Variants in CADPS observed in about 807,000 individuals in gnomAD.
CADPS encodes the protein calcium-dependent secretion activator 1.
In CADPS, 57 loss-of-function variants were observed where a neutral mutation model predicts 167.3. The ratio of observed to expected loss-of-function variants is 0.34; its 90% CI spans 0.28 to 0.42. The LOEUF is 0.42. CADPS is among the 20% of genes least tolerant of loss of function. The pLI, the probability that CADPS is intolerant of heterozygous loss-of-function variation, is 1.00. For missense variants in CADPS, 1,414 were observed against 1,738.1 expected (o/e 0.81, Z 3.32); for synonymous variants, 676 against 635.3 (o/e 1.06, Z -0.96).
At chr3:62,865,525 A>G (rs2081530014) in intron 1 of CADPS, among the ~76,000 whole-genome samples, 3 of 152,102 alleles carry the variant, frequency 2.0e-5, no homozygotes, top group Admixed American at 6.5e-5. Context: ...TATATTATCA[A>G]TTTATTTCAT....
At chr3:62,485,530 A>T (rs756122455) in intron 21 of CADPS, among the ~76,000 whole-genome samples, 6 of 152,132 alleles carry the variant, frequency 3.9e-5, no homozygotes, top group Non-Finnish European at 8.8e-5. Flanking sequence ...TGGCAAATAG[A>T]GTCGTTTTTC....
At chr3:62,810,226 A>T (rs372223744) in intron 1 of CADPS, among the ~76,000 whole-genome samples, 91 of 152,268 alleles carry the variant, frequency 6.0e-4, no homozygotes, top group African/African-American at 2.1e-3. Flanking sequence ...TGAACTAAAA[A>T]CTATTTTCTG....
At chr3:62,856,136 G>A (rs1366648360) in intron 1 of CADPS, among the ~76,000 whole-genome samples, 1 of 152,122 alleles carries the variant, frequency 6.6e-6, no homozygotes, top group Non-Finnish European at 1.5e-5. Context: ...AGCTGATAGG[G>A]ACAGAAGTGC....
At chr3:62,513,023 C>T (rs1304073433) in intron 16 of CADPS, among the ~76,000 whole-genome samples, 3 of 152,054 alleles carry the variant, frequency 2.0e-5, no homozygotes, top group Non-Finnish European at 4.4e-5. Context: ...AGCTATGAAA[C>T]ATACATGAAC....
chr3:62,779,636 A>G, intron 1 of CADPS: 1 of 532,312 alleles, frequency 1.9e-6, no homozygotes, highest in South Asian at 1.4e-5. Flanking sequence ...TGCATTTTAA[A>G]GGCATAGGCT....
chr3:62,628,221 A>G (rs950810508), intron 6 of CADPS, among the ~76,000 whole-genome samples: 2 of 152,204 alleles, frequency 1.3e-5, no homozygotes, highest in African/African-American at 4.8e-5. Flanking sequence ...AACAGTGAAC[A>G]CTTCCTTAGC....
chr3:62,723,997 T>C (rs34301583), intron 3 of CADPS, among the ~76,000 whole-genome samples: 2 of 152,148 alleles, frequency 1.3e-5, no homozygotes, highest in Admixed American at 1.3e-4. Flanking sequence ...GGCACTTCTG[T>C]GTCCAAGGGA....
intron 3 of CADPS, among the ~76,000 whole-genome samples, chr3:62,664,601 G>A (rs1395074522): frequency 1.3e-5 from 2 of 152,350 alleles, no homozygotes; most frequent in South Asian, 4.1e-4. Flanking sequence ...ACTCAGAAAT[G>A]TCTTGTTCAA....
Position 62,514,721 on chromosome 3 carries a change from G to A in CADPS, c.2581+1338C>T, listed in dbSNP as rs1184687039. ...CAAGACCTATGAGGCAGCAGCCATG[G>A]CAACAGAACGTTTCTTGATCCCATC... On this transcript the variant is annotated intron_variant, in intron 16 of 29. Coordinates refer to ENST00000383710, the MANE Select transcript of CADPS (RefSeq NM_003716.4). The surrounding 1 kb of genome is among the most constrained non-coding windows in gnomAD (Gnocchi z 4.2). Among the ~76,000 whole-genome samples, 1 of 152,128 alleles carries A rather than the reference G, an allele frequency of 6.6e-6. No homozygotes were observed. The highest frequency in any genetic ancestry group is 1.5e-5 in the Non-Finnish European group (1 of 67,996).
At chr3:62,766,883 G>A (rs1024471801) in intron 1 of CADPS, among the ~76,000 whole-genome samples, 1 of 152,114 alleles carries the variant, frequency 6.6e-6, no homozygotes, top group Non-Finnish European at 1.5e-5. Flanking sequence ...TTGTTTAACT[G>A]CTTGATGATG....
At chr3:62,675,268 G>T (rs548510207) in intron 3 of CADPS, among the ~76,000 whole-genome samples, 2 of 147,858 alleles carry the variant, frequency 1.4e-5, no homozygotes, top group African/African-American at 5.0e-5. Context: ...GTTAGAAAAT[G>T]AAAAAAAAAA....
intron 18 of CADPS, among the ~76,000 whole-genome samples, chr3:62,494,792 C>T (rs566658851): frequency 8.1e-4 from 122 of 150,486 alleles, no homozygotes; most frequent in African/African-American, 2.9e-3. Flanking sequence ...CAGGCGCCTG[C>T]CACCATACCT....
chr3:62,742,527 A>C (rs974638519), intron 3 of CADPS, among the ~76,000 whole-genome samples: 2 of 152,258 alleles, frequency 1.3e-5, no homozygotes, highest in Non-Finnish European at 2.9e-5. Context: ...GCAATGGCAA[A>C]GGATTCCCTA....
At chr3:62,701,508 C>T (rs529670576) in intron 3 of CADPS, among the ~76,000 whole-genome samples, 2 of 150,432 alleles carry the variant, frequency 1.3e-5, no homozygotes, top group Admixed American at 1.3e-4. Flanking sequence ...ACTCGGGAGG[C>T]TGAGGCAGGA....
At chr3:62,437,005 C>A (rs1418008188) in intron 28 of CADPS, among the ~76,000 whole-genome samples, 2 of 151,950 alleles carry the variant, frequency 1.3e-5, no homozygotes, top group Non-Finnish European at 2.9e-5. Context: ...AAAACACACA[C>A]ACATACACAC....
At chr3:62,715,421 T>TTATA (rs3081433) in intron 3 of CADPS, among the ~76,000 whole-genome samples, 1 of 147,550 alleles carries the variant, frequency 6.8e-6, no homozygotes, top group Non-Finnish European at 1.5e-5. Flanking sequence ...AAATATATAT[T>TTATA]TATATATATT....
At chr3:62,549,224 A>C (rs1269300285) in intron 11 of CADPS, among the ~76,000 whole-genome samples, 3 of 152,236 alleles carry the variant, frequency 2.0e-5, no homozygotes, top group Non-Finnish European at 1.5e-5. Context: ...AAATATTTCC[A>C]AACATGTACT....
intron 3 of CADPS, among the ~76,000 whole-genome samples, chr3:62,719,546 C>T (rs2075340195): frequency 6.6e-6 from 1 of 152,188 alleles, no homozygotes; most frequent in South Asian, 2.1e-4. Flanking sequence ...GTATGGTATG[C>T]AGTGCAAGGA....
At chr3:62,781,054 T>C (rs1039857028) in intron 1 of CADPS, among the ~76,000 whole-genome samples, 1 of 152,206 alleles carries the variant, frequency 6.6e-6, no homozygotes, top group Non-Finnish European at 1.5e-5. Flanking sequence ...TGCTTCATTA[T>C]CTGTGATTCT....
Sources: gnomAD v4.1 joint callset for allele counts (sites outside exome capture counted in the v4.1 genomes callset) on GRCh38, gnomAD v4.1.1 for gene constraint, Gnocchi (gnomAD v3.1) non-coding constraint, MANE v1.5 for transcripts, NCBI Gene and HGNC (gene_info 2026-07-23, HGNC 2026-07-21) for gene names.